Variants in TAMM41 observed in about 807,000 individuals in gnomAD.
The protein encoded by TAMM41 is TAM41 mitochondrial translocator assembly and maintenance homolog, also known as phosphatidate cytidylyltransferase, mitochondrial.
In TAMM41, 36 loss-of-function variants were observed where a neutral mutation model predicts 44.1. That is an observed-to-expected ratio of 0.82 (90% CI 0.63 to 1.08). The LOEUF (loss-of-function observed/expected upper bound fraction) is 1.08. Among genes scored for constraint, TAMM41 ranks in the 50% least tolerant of loss-of-function variants. The pLI, the probability that TAMM41 is intolerant of heterozygous loss-of-function variation, is 0.00. For synonymous variants in TAMM41, 164 were observed against 153.1 expected, an observed-to-expected ratio of 1.07 and a Z score of -0.53; for missense variants, 417 against 404.3, an observed-to-expected ratio of 1.03 and a Z score of -0.27.
chr3:11,840,256 G>A (rs886638525), intron 2 of TAMM41, among the ~76,000 whole-genome samples: 3 of 147,512 alleles, frequency 2.0e-5, no homozygotes, highest in African/African-American at 7.5e-5. Flanking sequence ...TTTTTAAGAT[G>A]GAGTCTCACT....
chr3:11,769,247 G>A, the TAMM41 span, among the ~76,000 whole-genome samples: 3 of 152,084 alleles, frequency 2.0e-5, no homozygotes, highest in African/African-American at 4.8e-5. Context: ...GTGCCACCAC[G>A]CACAGCTAAT....
chr3:11,830,896 A>AAT (rs2078959125), intron 3 of TAMM41: 1 of 151,600 alleles, frequency 6.6e-6, no homozygotes, highest in East Asian at 1.9e-4. Flanking sequence ...AAAAAAAAAA[A>AAT]TACTAAGAGC....
intron 3 of TAMM41, among the ~76,000 whole-genome samples, chr3:11,834,458 T>C (rs908857751): frequency 1.1e-4 from 17 of 152,174 alleles, no homozygotes; most frequent in African/African-American, 4.1e-4. Context: ...TAATTATTAC[T>C]TTAGAGGTTT....
Position 11,807,324 on chromosome 3 carries a change from G to T in TAMM41, c.937+509C>A, listed in dbSNP as rs1210154640. The T allele has an allele frequency of 9.0e-6, 13 of 1,451,012 alleles. No homozygotes were observed. The East Asian group carries it at 3.0e-4, about 33-fold the overall frequency. 89.9% of individuals were successfully genotyped at this position (1,451,012 alleles called of 1,614,324 possible). A position where few individuals can be genotyped will look rare whatever the true frequency, so the allele number is the denominator to read the frequency against. ...AGGGTGCGTACATTTGATGAGGGTG[G>T]GTGCCAGAGTTGACTTCTAACCTCC... On this transcript the variant is annotated intron_variant, in intron 7 of 7. Transcript: ENST00000455809.
At chr3:11,749,213 A>T in the TAMM41 span, among the ~76,000 whole-genome samples, 1 of 152,102 alleles carries the variant, frequency 6.6e-6, no homozygotes, top group East Asian at 1.9e-4. Flanking sequence ...GCGCCCTGCT[A>T]GAAATGGATT....
chr3:11,777,844 G>A, the TAMM41 span, among the ~76,000 whole-genome samples: 118 of 151,826 alleles, frequency 7.8e-4, no homozygotes, highest in African/African-American at 2.8e-3. Context: ...GAGTTGTACC[G>A]CCATCATACA....
chr3:11,763,857 T>C, the TAMM41 span, among the ~76,000 whole-genome samples: 1 of 152,230 alleles, frequency 6.6e-6, no homozygotes, highest in East Asian at 1.9e-4. Context: ...AATACATCAC[T>C]GCTATACACT....
the TAMM41 span, among the ~76,000 whole-genome samples, chr3:11,784,700 A>C: frequency 6.6e-6 from 1 of 152,170 alleles, no homozygotes; most frequent in Non-Finnish European, 1.5e-5. Flanking sequence ...ATTCTAATTA[A>C]AAGAGGCATT....
chr3:11,757,281 G>A, the TAMM41 span, among the ~76,000 whole-genome samples: 3 of 152,122 alleles, frequency 2.0e-5, no homozygotes, highest in Non-Finnish European at 4.4e-5. Context: ...AGAGATGTTC[G>A]CTGTTATGTT....
chr3:11,810,055 T>G (rs1397476907), intron 5 of TAMM41: 1 of 187,702 alleles, frequency 5.3e-6, no homozygotes, highest in East Asian at 1.6e-4. Flanking sequence ...GGCACTGAGA[T>G]GACCCCTCCC....
the TAMM41 span, among the ~76,000 whole-genome samples, chr3:11,743,732 A>C: frequency 6.6e-6 from 1 of 152,008 alleles, no homozygotes; most frequent in Non-Finnish European, 1.5e-5. Context: ...CTGTCGCCTC[A>C]CTTCTGGCCA....
At chr3:11,776,163 G>A in the TAMM41 span, among the ~76,000 whole-genome samples, 22 of 151,324 alleles carry the variant, frequency 1.5e-4, no homozygotes, top group South Asian at 1.9e-3. Flanking sequence ...ACAGGCGCCC[G>A]CCACCACGCC....
At chr3:11,816,215 A>AG (rs1224032742) in intron 5 of TAMM41, among the ~76,000 whole-genome samples, 1 of 149,842 alleles carries the variant, frequency 6.7e-6, no homozygotes, top group African/African-American at 2.5e-5. Context: ...TTTACATTAA[A>AG]GGAAAAAAAA....
chr3:11,730,382 C>A, the TAMM41 span, among the ~76,000 whole-genome samples: 8 of 147,946 alleles, frequency 5.4e-5, no homozygotes, highest in African/African-American at 2.0e-4. Context: ...CACACCACTG[C>A]ACTCCAGCCT....
chr3:11,840,488 G>A (rs1575723539), intron 2 of TAMM41, among the ~76,000 whole-genome samples: 2 of 152,144 alleles, frequency 1.3e-5, no homozygotes, highest in Admixed American at 1.3e-4. Context: ...ACTCGCCTCG[G>A]CCTCCAAAAG....
the TAMM41 span, among the ~76,000 whole-genome samples, chr3:11,736,302 C>G: frequency 1.3e-5 from 2 of 152,158 alleles, no homozygotes; most frequent in South Asian, 4.1e-4. Context: ...TATCAGAGAC[C>G]TGGGCAGGCG....
At chr3:11,818,752 G>A (rs534428013) in intron 4 of TAMM41, among the ~76,000 whole-genome samples, 17 of 152,064 alleles carry the variant, frequency 1.1e-4, no homozygotes, top group African/African-American at 4.1e-4. Flanking sequence ...AAAAAAATTA[G>A]CCAGACGTGG....
chr3:11,781,010 T>C, the TAMM41 span, among the ~76,000 whole-genome samples: 2 of 152,226 alleles, frequency 1.3e-5, no homozygotes, highest in African/African-American at 4.8e-5. Flanking sequence ...CACCGTCATC[T>C]TGGCATATCC....
chr3:11,809,480 G>T, intron 6 of TAMM41, 37 bp downstream of exon 6: 1 of 1,609,606 alleles, frequency 6.2e-7, no homozygotes, highest in Non-Finnish European at 8.5e-7. Context: ...TTTTCCCCAT[G>T]GCTGGCATTT....
Sources: gnomAD v4.1 joint callset for allele counts (sites outside exome capture counted in the v4.1 genomes callset) on GRCh38, gnomAD v4.1.1 for gene constraint, MANE v1.5 for transcripts, NCBI Gene and HGNC (gene_info 2026-07-23, HGNC 2026-07-21) for gene names.